Variants in ZNF546 observed in about 807,000 individuals in gnomAD.
ZNF546 encodes the protein CTC-471F3.6.
A neutral mutation model predicts 76.2 loss-of-function variants in ZNF546; 60 were observed. The observed-to-expected ratio is 0.79, with a 90% confidence interval of 0.64 to 0.98. The LOEUF (loss-of-function observed/expected upper bound fraction) is 0.98, where lower values mean the gene tolerates loss of function less well. Ranked by LOEUF, ZNF546 falls within the 50% of genes least tolerant of loss-of-function variation. The pLI, the probability that ZNF546 is intolerant of heterozygous loss-of-function variation, is 0.00. For synonymous variants in ZNF546, 277 were observed against 328.1 expected (o/e 0.84, Z 1.68); for missense variants, 936 against 1,035.6 (o/e 0.90, Z 1.32).
intron 6 of ZNF546, 88 bp downstream of exon 6, chr19:40,008,653 A>G (rs1313369388): frequency 9.6e-7 from 1 of 1,039,006 alleles, no homozygotes; most frequent in East Asian, 2.4e-5. Flanking sequence ...AGTTGTTTGG[A>G]AAGCTCCCTT....
chr19:40,009,474 G>A (rs1214687369), intron 6 of ZNF546, among the ~76,000 whole-genome samples: 1 of 152,124 alleles, frequency 6.6e-6, no homozygotes, highest in African/African-American at 2.4e-5. Context: ...CTCATTTTAA[G>A]TGTCAATTTT....
At position 40,019,107 on chromosome 19, in the gene ZNF546, A is replaced by G. The variant is rs894727438; in HGVS notation, c.*3326A>G. On this transcript the variant is annotated 3_prime_UTR_variant, in exon 7 of 7. Transcript: ENST00000347077. ...ATTTCGGAAATTTAAAATCTCCAAT[A>G]ATATAATGACACTAGATCAAAAAGA... 1 of 152,194 alleles carries G rather than the reference A, an allele frequency of 6.6e-6. No homozygotes were observed. Among genetic ancestry groups the G allele is most frequent in the Admixed American group, 6.6e-5 (1 of 15,266 alleles). 9.4% of individuals were successfully genotyped at this position (152,194 alleles called of 1,614,324 possible).
chr19:40,016,970 T>C lies in ZNF546; in HGVS notation c.*1189T>C, dbSNP rs1332699184. The C allele has an allele frequency of 1.3e-5, 2 of 152,018 alleles. No individual in the cohort carries two copies. The highest frequency in any genetic ancestry group is 4.8e-5 in the African/African-American group (2 of 41,358). The allele number at this position is 152,018 out of a possible 1,614,324, so 9.4% of individuals were successfully genotyped here. ...ATAAAAGATAAAACCTTTAAAAGAG[T>C]ATTTGGCACACAGCATTTTATCAAT... is the stretch of plus-strand genomic sequence containing the variant. On this transcript the variant is annotated 3_prime_UTR_variant, in exon 7 of 7. Transcript: ENST00000347077.
Position 40,016,899 on chromosome 19 carries a change from T to C in ZNF546, c.*1118T>C, listed in dbSNP as rs1472905502. 1 of 152,222 alleles carries C rather than the reference T, an allele frequency of 6.6e-6. No homozygotes were observed. Among genetic ancestry groups the C allele is most frequent in the African/African-American group, 2.4e-5 (1 of 41,458 alleles). 9.4% of individuals were successfully genotyped at this position (152,222 alleles called of 1,614,324 possible). On this transcript the variant is annotated 3_prime_UTR_variant, in exon 7 of 7. Transcript: ENST00000347077. ...CCCTGTGCCTTGGTTTTTAAAATGGTAATAACAGTACCACCTAATAGTATT... is the reference window on the plus strand; with the variant it reads ...CCCTGTGCCTTGGTTTTTAAAATGGCAATAACAGTACCACCTAATAGTATT...
At chr19:39,997,673 C>CTT (rs1347952030) in intron 1 of ZNF546, among the ~76,000 whole-genome samples, 188 bp from the exon 2 acceptor site, 48 of 152,272 alleles carry the variant, frequency 3.2e-4, no homozygotes, top group Non-Finnish European at 2.4e-4. Flanking sequence ...ATTCCCATAC[C>CTT]TTTGATCTAG....
At chr19:40,007,124 T>TC (rs745847370) in intron 4 of ZNF546, 150 bp from the exon 5 acceptor site, 9 of 500,764 alleles carry the variant, frequency 1.8e-5, no homozygotes, top group Non-Finnish European at 2.9e-5. Context: ...ACACTTTATT[T>TC]CAGAAATATT....
In ZNF546 at chr19:40,017,939, C is replaced by T. The variant is rs145041071; in HGVS notation, c.*2158C>T. On this transcript the variant is annotated 3_prime_UTR_variant, in exon 7 of 7. Transcript: ENST00000347077. ...CTCTTTTAAAGTAAGAATGGCCCTT[C>T]CCCCCACAACTTTATTGCAACATTG... 2 of 150,876 alleles carry T rather than the reference C, an allele frequency of 1.3e-5. No individual in the cohort carries two copies. Among genetic ancestry groups the T allele is most frequent in the African/African-American group, 4.9e-5 (2 of 41,056 alleles). 9.3% of individuals were successfully genotyped at this position (150,876 alleles called of 1,614,324 possible).
chr19:40,013,613 A>C (rs1971698688), intron 6 of ZNF546, 52 bp from the exon 7 acceptor site: 2 of 1,413,640 alleles, frequency 1.4e-6, no homozygotes, highest in South Asian at 1.5e-5. Flanking sequence ...ACAGAAAAAT[A>C]GCATTATAGC....
chr19:40,014,890 T>C lies in ZNF546; in HGVS notation c.1620T>C (p.Leu540=), dbSNP rs770990061. 20 of 1,613,808 alleles carry C rather than the reference T, an allele frequency of 1.2e-5. No individual in the cohort carries two copies. In the East Asian group the frequency reaches 4.5e-4, roughly 36 times the overall value. The change falls in exon 7 of 7, where the codon CTT becomes CTC. Residue 540 remains leucine (L), a synonymous_variant. Coordinates refer to ENST00000347077, the MANE Select transcript of ZNF546 (RefSeq NM_178544.5). ...AAGCCTTTCGTCTTCAAGGAGAACT[T>C]ACCCGACATCACAGAATTCATACAT... The part of the protein sequence containing the change: ...CGKAFRLQGE[L]TRHHRIHTCE...
rs978190079 is a variant in ZNF546, at chr19:40,020,134, T to C, written c.*4353T>C. The C allele has an allele frequency of 6.6e-5, 10 of 152,172 alleles. No homozygotes were observed. Among genetic ancestry groups the C allele is most frequent in the Admixed American group, 1.3e-4 (2 of 15,276 alleles). 9.4% of individuals were successfully genotyped at this position (152,172 alleles called of 1,614,324 possible). Reference sequence around the variant, plus strand: ...GCATGTAGGGGTTTGCGTGAATATATACAGTTGAAATTCAATTCTTCCTTA... The same window carrying C: ...GCATGTAGGGGTTTGCGTGAATATACACAGTTGAAATTCAATTCTTCCTTA... On this transcript the variant is annotated 3_prime_UTR_variant, in exon 7 of 7. Coordinates refer to ENST00000347077, the MANE Select transcript of ZNF546 (RefSeq NM_178544.5).
In ZNF546 at chr19:40,020,919, T is replaced by C. The variant is rs1971847199; in HGVS notation, c.*5138T>C. The C allele has an allele frequency of 1.3e-5, 2 of 152,202 alleles. No homozygotes were observed. Among genetic ancestry groups the C allele is most frequent in the Non-Finnish European group, 2.9e-5 (2 of 68,010 alleles). The allele number at this position is 152,202 out of a possible 1,614,324, so 9.4% of individuals were successfully genotyped here. ...TTTTATATACTCACTACTATACTAA[T>C]GAGGATGGCTCAATTTTTTATTTGA... On this transcript the variant is annotated 3_prime_UTR_variant, in exon 7 of 7. Transcript: ENST00000347077.
chr19:40,011,102 T>G (rs1971666254), intron 6 of ZNF546: 1 of 152,244 alleles, frequency 6.6e-6, no homozygotes, highest in South Asian at 2.1e-4. Context: ...CAGTGTCTTC[T>G]GAATAGCATA....
chr19:40,012,878 A>G (rs1035433709), intron 6 of ZNF546, among the ~76,000 whole-genome samples: 8 of 151,802 alleles, frequency 5.3e-5, no homozygotes. Context: ...CAGTGGCACA[A>G]TCTTGGCTCA....
At position 40,018,434 on chromosome 19, in the gene ZNF546, C is replaced by T. The variant is rs1393849048; in HGVS notation, c.*2653C>T. 6.6e-6 allele frequency: 1 copy of T among 152,160 alleles called. No individual in the cohort carries two copies. Among genetic ancestry groups the T allele is most frequent in the African/African-American group, 2.4e-5 (1 of 41,444 alleles). 9.4% of individuals were successfully genotyped at this position (152,160 alleles called of 1,614,324 possible). ...TAACCCATTAGGTGGCATACAATGTCATTATACCACTATGGTATCCTTAGT... is the reference window on the plus strand; with the variant it reads ...TAACCCATTAGGTGGCATACAATGTTATTATACCACTATGGTATCCTTAGT... On this transcript the variant is annotated 3_prime_UTR_variant, in exon 7 of 7. Coordinates refer to ENST00000347077, the MANE Select transcript of ZNF546 (RefSeq NM_178544.5).
chr19:40,019,497 G>A lies in ZNF546; in HGVS notation c.*3716G>A, dbSNP rs1223528936. The A allele has an allele frequency of 6.6e-6, 1 of 152,164 alleles. No individual in the cohort carries two copies. The highest frequency in any genetic ancestry group is 2.4e-5 in the African/African-American group (1 of 41,454). 9.4% of individuals were successfully genotyped at this position (152,164 alleles called of 1,614,324 possible). Reference sequence around the variant, plus strand: ...AATATTAATACTTGATTTTAGTATAGCTAATCAAAGGAAAAAGATAATTAC... The same window carrying A: ...AATATTAATACTTGATTTTAGTATAACTAATCAAAGGAAAAAGATAATTAC... On this transcript the variant is annotated 3_prime_UTR_variant, in exon 7 of 7. Transcript: ENST00000347077.
rs1028516634 is a variant in ZNF546, at chr19:40,017,741, C to G, written c.*1960C>G. ...CCCAGGGAAGCCAAAAGATTTGACC[C>G]CCAGTAACTTCACACCTAAGGAGAT... On this transcript the variant is annotated 3_prime_UTR_variant, in exon 7 of 7. Transcript: ENST00000347077. The G allele has an allele frequency of 1.3e-5, 2 of 152,032 alleles. No homozygotes were observed. Among genetic ancestry groups the G allele is most frequent in the African/African-American group, 2.4e-5 (1 of 41,384 alleles). 9.4% of individuals were successfully genotyped at this position (152,032 alleles called of 1,614,324 possible). A position where few individuals can be genotyped will look rare whatever the true frequency, so the allele number is the denominator to read the frequency against.
Position 40,013,748 on chromosome 19 carries a change from GA to G in ZNF546, c.484del (p.Ser162ValfsTer36), listed in dbSNP as rs1282642082. On this transcript the variant is annotated frameshift_variant, in exon 7 of 7. Coordinates refer to ENST00000347077, the MANE Select transcript of ZNF546 (RefSeq NM_178544.5). LOFTEE classifies it high-confidence loss of function. ...CTATTTATCTCAATTGCAGACAGGGGAAAAAAGTAAAAACACCATCCATGAG... is the reference window on the plus strand; with the variant it reads ...CTATTTATCTCAATTGCAGACAGGGGAAAAAGTAAAAACACCATCCATGAG... ...KIYLSQLQTG[E>X]KSKNTIHEDT... is the part of the protein sequence containing the mutation. The G allele has an allele frequency of 6.2e-7, 1 of 1,612,038 alleles. No individual in the cohort carries two copies. The highest frequency in any genetic ancestry group is 8.5e-7 in the Non-Finnish European group (1 of 1,179,472).
chr19:40,013,105 A>C (rs1161097310), intron 6 of ZNF546, among the ~76,000 whole-genome samples: 1 of 151,980 alleles, frequency 6.6e-6, no homozygotes, highest in Non-Finnish European at 1.5e-5. Context: ...GAGCCACCGC[A>C]CCCGGCCTAT....
At chr19:40,008,662 T>G (rs1053382868) in intron 6 of ZNF546, 97 bp downstream of exon 6, 2 of 874,738 alleles carry the variant, frequency 2.3e-6, no homozygotes, top group Non-Finnish European at 3.6e-6. Context: ...GAAAGCTCCC[T>G]TCAAAGGCCT....
Sources: gnomAD v4.1 joint callset for allele counts (sites outside exome capture counted in the v4.1 genomes callset) on GRCh38, gnomAD v4.1.1 for gene constraint, MANE v1.5 for transcripts, NCBI Gene and HGNC (gene_info 2026-07-23, HGNC 2026-07-21) for gene names.